ARSG: variants seen among roughly 807,000 people sequenced by gnomAD.
ARSG encodes the protein ASG.
ARSG carries 37 observed loss-of-function variants against 50.5 expected under a neutral mutation model. The ratio of observed to expected loss-of-function variants is 0.73; its 90% CI spans 0.56 to 0.96. ARSG has a LOEUF of 0.96. Ranked by LOEUF, ARSG falls within the 50% of genes least tolerant of loss-of-function variation. The pLI, the probability that ARSG is intolerant of heterozygous loss-of-function variation, is 0.00. For synonymous variants in ARSG, 225 were observed against 254.6 expected, an observed-to-expected ratio of 0.88 and a Z score of 1.11; for missense variants, 629 against 675.3, an observed-to-expected ratio of 0.93 and a Z score of 0.76.
chr17:68,273,277 C>G (rs1353768688), intron 1 of ARSG, among the ~76,000 whole-genome samples: 1 of 151,738 alleles, frequency 6.6e-6, no homozygotes, highest in Non-Finnish European at 1.5e-5. Flanking sequence ...GGTGTGATCA[C>G]AGCTCACTGG....
At position 68,385,137 on chromosome 17, in the gene ARSG, A is replaced by T; in HGVS notation, c.1056A>T (p.Arg352Ser). The T allele has an allele frequency of 6.2e-7, 1 of 1,614,070 alleles. No homozygotes were observed. Among genetic ancestry groups the T allele is most frequent in the East Asian group, 2.2e-5 (1 of 44,862 alleles). ...CAGCACTGGCTTACTGGCCTGGCAG[A>T]GTTCCAGTTAATGTCACCAGCACTG... ...RVPALAYWPG[R>S]VPVNVTSTAL... Residue 352 changes from arginine to serine, a missense_variant, in exon 9 of 12, where the codon AGA (arginine) becomes AGT (serine). Arg to Ser is a moderately radical substitution (Grantham distance 110). Transcript: ENST00000621439.
chr17:68,420,588 A>G lies in ARSG; in HGVS notation c.*125A>G, dbSNP rs2082710629. On this transcript the variant is annotated 3_prime_UTR_variant, in exon 12 of 12. Transcript: ENST00000621439. Reference sequence around the variant, plus strand: ...AGTCTTGGAGTTTAGTTTTGGAGTTAGCCTTGCATATCCCTTCTGTATCCT... The same window carrying G: ...AGTCTTGGAGTTTAGTTTTGGAGTTGGCCTTGCATATCCCTTCTGTATCCT... The G allele has an allele frequency of 2.7e-6, 3 of 1,129,462 alleles. No homozygotes were observed. Among genetic ancestry groups the G allele is most frequent in the Admixed American group, 4.2e-5 (2 of 47,940 alleles). The allele number at this position is 1,129,462 out of a possible 1,614,324, so 70.0% of individuals were successfully genotyped here.
Position 68,401,430 on chromosome 17 carries a change from A to G in ARSG, c.1283A>G (p.Tyr428Cys), listed in dbSNP as rs745717579. 1.9e-6 allele frequency: 3 copies of G among 1,614,018 alleles called. No homozygotes were observed. Among genetic ancestry groups the G allele is most frequent in the East Asian group, 2.2e-5 (1 of 44,886 alleles). The change falls in exon 11 of 12, where the codon TAC becomes TGC. Residue 428 changes from tyrosine (Y) to cysteine (C), a missense_variant. Tyr to Cys is a radical substitution (Grantham distance 194). Coordinates refer to ENST00000621439, the MANE Select transcript of ARSG (RefSeq NM_001267727.2). ...CTGCAGACTGTCCGCCTGGAGCGTT[A>G]CAAGGCCTTCTACATTACCGGTGAG... is the stretch of plus-strand genomic sequence containing the variant. ...GALQTVRLER[Y>C]KAFYITGGAR... is the part of the protein sequence containing the mutation.
At chr17:68,278,422 C>A (rs79802336) in intron 1 of ARSG, 16,022 of 706,472 alleles carry the variant, frequency 0.023, 308 homozygotes, top group Non-Finnish European at 0.025. Context: ...GAACTACTTA[C>A]CCCATTTCTT....
intron 9 of ARSG, 101 bp from the exon 10 acceptor site, chr17:68,394,972 G>A: frequency 3.9e-6 from 6 of 1,529,884 alleles, no homozygotes; most frequent in Non-Finnish European, 5.3e-6. Flanking sequence ...AGGAGAGGCT[G>A]TGGGTGCTTG....
At chr17:68,356,386 CA>C (rs2079033127) in intron 5 of ARSG, among the ~76,000 whole-genome samples, 2 of 152,122 alleles carry the variant, frequency 1.3e-5, no homozygotes, top group Admixed American at 6.5e-5. Flanking sequence ...TCTCTCCCCG[CA>C]AAATGCAAGT....
At chr17:68,308,555 T>G (rs1279405466) in intron 2 of ARSG, among the ~76,000 whole-genome samples, 3 of 151,838 alleles carry the variant, frequency 2.0e-5, no homozygotes, top group Non-Finnish European at 1.5e-5. Context: ...ACCCAAAGAG[T>G]GAGCAGTAGC....
chr17:68,297,548 C>T (rs747817701), intron 1 of ARSG, among the ~76,000 whole-genome samples: 1 of 152,204 alleles, frequency 6.6e-6, no homozygotes, highest in Non-Finnish European at 1.5e-5. Flanking sequence ...ACAATTCTGG[C>T]AGATTCAGCC....
intron 2 of ARSG, among the ~76,000 whole-genome samples, chr17:68,311,719 A>G (rs1206604132): frequency 1.3e-5 from 2 of 151,972 alleles, no homozygotes; most frequent in African/African-American, 4.8e-5. Context: ...AGAGGCATGG[A>G]ACAGATTCTC....
chr17:68,365,243 C>T (rs1198727176), intron 6 of ARSG, among the ~76,000 whole-genome samples: 2 of 152,078 alleles, frequency 1.3e-5, no homozygotes, highest in East Asian at 1.9e-4. Flanking sequence ...ACCTGGGAGG[C>T]GGAGGTTGTA....
intron 2 of ARSG, among the ~76,000 whole-genome samples, chr17:68,342,127 A>G (rs2078296071): frequency 6.6e-6 from 1 of 151,934 alleles, no homozygotes; most frequent in Non-Finnish European, 1.5e-5. Flanking sequence ...ACCTCAGTCA[A>G]TTCTTGTTAT....
intron 1 of ARSG, among the ~76,000 whole-genome samples, chr17:68,292,975 A>T (rs1283073182): frequency 2.0e-5 from 3 of 152,200 alleles, no homozygotes; most frequent in Non-Finnish European, 4.4e-5. Flanking sequence ...TGGTACTTGT[A>T]AAGTGCGGAT....
chr17:68,382,916 C>A (rs768799642), intron 8 of ARSG, among the ~76,000 whole-genome samples: 3 of 152,136 alleles, frequency 2.0e-5, no homozygotes, highest in Non-Finnish European at 4.4e-5. Context: ...CTAGTCTGTA[C>A]AACAAAAAGA....
intron 1 of ARSG, chr17:68,277,983 T>C (rs2075578620): frequency 2.8e-6 from 2 of 717,346 alleles, no homozygotes; most frequent in East Asian, 5.4e-5. Flanking sequence ...CCAACAGGCG[T>C]ATAAGGGAAT....
intron 1 of ARSG, among the ~76,000 whole-genome samples, chr17:68,270,620 A>G (rs2075308238): frequency 1.3e-5 from 2 of 151,438 alleles, no homozygotes; most frequent in Admixed American, 6.6e-5. Context: ...TGAATCGACC[A>G]CTAATTTACC....
At chr17:68,263,183 A>T (rs544997063) in intron 1 of ARSG, among the ~76,000 whole-genome samples, 87 of 152,316 alleles carry the variant, frequency 5.7e-4, no homozygotes, top group Non-Finnish European at 1.1e-3. Flanking sequence ...GTTACATGGA[A>T]AGGGAAGTTG....
chr17:68,428,852 C>T, the ARSG span: 4 of 1,613,952 alleles, frequency 2.5e-6, no homozygotes, highest in Non-Finnish European at 3.4e-6. Context: ...TTAAGACACA[C>T]TCTCCTCCAT....
At chr17:68,277,601 T>A (rs1449492326) in intron 1 of ARSG, among the ~76,000 whole-genome samples, 2 of 152,164 alleles carry the variant, frequency 1.3e-5, no homozygotes, top group African/African-American at 2.4e-5. Context: ...GGCTAATTTT[T>A]CTATTTTCAG....
intron 1 of ARSG, among the ~76,000 whole-genome samples, chr17:68,306,366 C>G (rs1235648056): frequency 2.6e-5 from 4 of 151,834 alleles, no homozygotes; most frequent in African/African-American, 9.7e-5. Context: ...GCACTCCAGC[C>G]TGGGTGACAG....
Sources: gnomAD v4.1 joint callset for allele counts (sites outside exome capture counted in the v4.1 genomes callset) on GRCh38, gnomAD v4.1.1 for gene constraint, MANE v1.5 for transcripts, NCBI Gene and HGNC (gene_info 2026-07-23, HGNC 2026-07-21) for gene names.